The following DDAH1 variants were observed in gnomAD, a reference collection of about 807,000 sequenced individuals.
DDAH1 encodes N(G),N(G)-dimethylarginine dimethylaminohydrolase 1.
Under a neutral mutation model 28.8 loss-of-function variants are expected in DDAH1, and 19 were observed. That is an observed-to-expected ratio of 0.66 (90% confidence interval 0.46 to 0.97). The LOEUF (loss-of-function observed/expected upper bound fraction) is 0.97. Among genes scored for constraint, DDAH1 ranks in the 50% least tolerant of loss-of-function variants. The probability of loss-of-function intolerance (pLI) is 0.00; values close to 1 mark genes in which losing one functional copy is unlikely to be tolerated. For synonymous variants in DDAH1, 153 were observed against 154.4 expected (o/e 0.99, Z 0.07); for missense variants, 326 against 375.9 (o/e 0.87, Z 1.10).
chr1:85,442,140 T>A (rs1234981379), intron 1 of DDAH1, among the ~76,000 whole-genome samples: 1 of 152,110 alleles, frequency 6.6e-6, no homozygotes, highest in Non-Finnish European at 1.5e-5. Context: ...TCACTCATCA[T>A]TTACATTAGG....
chr1:85,484,931 G>T (rs922974346), intron 2 of DDAH1, among the ~76,000 whole-genome samples: 1 of 152,148 alleles, frequency 6.6e-6, no homozygotes, highest in African/African-American at 2.4e-5. Context: ...TTGGAAGTTG[G>T]CTATTTTGAA....
At chr1:85,551,470 C>A (rs1022810055) in intron 1 of DDAH1, among the ~76,000 whole-genome samples, 4 of 152,192 alleles carry the variant, frequency 2.6e-5, no homozygotes, top group African/African-American at 9.7e-5. Context: ...CAACCCCTTG[C>A]TCATTCAGAG....
intron 2 of DDAH1, among the ~76,000 whole-genome samples, chr1:85,479,165 T>TA (rs1287740570): frequency 8.0e-6 from 1 of 125,672 alleles, no homozygotes; most frequent in Non-Finnish European, 1.6e-5. Flanking sequence ...TTTTCTTTTT[T>TA]TTTTTTTTTT....
chr1:85,500,075 TCC>T (rs1272743077), intron 1 of DDAH1, among the ~76,000 whole-genome samples: 2 of 151,094 alleles, frequency 1.3e-5, no homozygotes, highest in East Asian at 3.9e-4. Context: ...TTCTTTTCTT[TCC>T]TTTCCTTCCT....
chr1:85,394,953 A>T (rs557771756), intron 1 of DDAH1, among the ~76,000 whole-genome samples: 1 of 152,198 alleles, frequency 6.6e-6, no homozygotes, highest in Non-Finnish European at 1.5e-5. Context: ...TTGGCATATG[A>T]TAGTTCAAAA....
chr1:85,378,844 A>G (rs1380230089), intron 1 of DDAH1, among the ~76,000 whole-genome samples: 2 of 152,246 alleles, frequency 1.3e-5, no homozygotes, highest in African/African-American at 4.8e-5. Context: ...CAGAGAAGAC[A>G]CTGTACATTT....
intron 1 of DDAH1, among the ~76,000 whole-genome samples, chr1:85,541,799 A>G (rs1041373134): frequency 1.3e-5 from 2 of 152,220 alleles, no homozygotes; most frequent in African/African-American, 4.8e-5. Flanking sequence ...AAGAGACCTC[A>G]GAGAGCTCCT....
At chr1:85,407,533 C>A (rs1298213422) in intron 1 of DDAH1, among the ~76,000 whole-genome samples, 2 of 152,220 alleles carry the variant, frequency 1.3e-5, no homozygotes, top group African/African-American at 2.4e-5. Context: ...GCTTTTATAA[C>A]AATCGATAGA....
At chr1:85,351,039 CAG>C (rs1408395580) in intron 3 of DDAH1, among the ~76,000 whole-genome samples, 2 of 151,026 alleles carry the variant, frequency 1.3e-5, no homozygotes, top group Non-Finnish European at 2.9e-5. Flanking sequence ...TATTTCATAA[CAG>C]AGTCAATTGG....
In DDAH1 at chr1:85,465,059, T is replaced by G. The variant is rs1655309700; in HGVS notation, c.-14A>C. 2.4e-6 allele frequency: 3 copies of G among 1,237,242 alleles called. No homozygotes were observed. The highest frequency in any genetic ancestry group is 1.6e-5 in the African/African-American group (1 of 63,824). 76.6% of individuals were successfully genotyped at this position (1,237,242 alleles called of 1,614,324 possible). A position where few individuals can be genotyped will look rare whatever the true frequency, so the allele number is the denominator to read the frequency against. ...GAGCCCGGCCATGGCTTCGGGAGGC[T>G]TAGGGGCGGCGGCGGCGGCGGAGGC... is the stretch of plus-strand genomic sequence containing the variant. On this transcript the variant is annotated 5_prime_UTR_variant, in exon 1 of 6. Coordinates refer to ENST00000284031, the MANE Select transcript of DDAH1 (RefSeq NM_012137.4).
intron 1 of DDAH1, among the ~76,000 whole-genome samples, chr1:85,363,638 C>G (rs116579849): frequency 6.6e-6 from 1 of 152,180 alleles, no homozygotes; most frequent in Admixed American, 6.5e-5. Context: ...GTTCAAGAAG[C>G]TGTCTTGGCA....
intron 1 of DDAH1, among the ~76,000 whole-genome samples, chr1:85,417,378 C>A (rs1482397132): frequency 6.6e-6 from 1 of 152,132 alleles, no homozygotes; most frequent in South Asian, 2.1e-4. Context: ...CAAGTGGGTT[C>A]GATATGCTTG....
chr1:85,342,881 T>C (rs1230853906), intron 4 of DDAH1, among the ~76,000 whole-genome samples: 1 of 152,228 alleles, frequency 6.6e-6, no homozygotes, highest in Non-Finnish European at 1.5e-5. Context: ...AGACCCAGAA[T>C]ATCAGAATTT....
At chr1:85,476,775 G>C (rs1184669919) in intron 2 of DDAH1, among the ~76,000 whole-genome samples, 1 of 151,982 alleles carries the variant, frequency 6.6e-6, no homozygotes, top group Admixed American at 6.6e-5. Flanking sequence ...CACACTCTTA[G>C]TATCAAGTTC....
intron 1 of DDAH1, among the ~76,000 whole-genome samples, chr1:85,520,904 T>A (rs1169078863): frequency 6.6e-6 from 1 of 152,228 alleles, no homozygotes; most frequent in East Asian, 1.9e-4. Context: ...ATACATTCGC[T>A]GGCTCCACAG....
chr1:85,367,566 T>C (rs1032178794), intron 1 of DDAH1, among the ~76,000 whole-genome samples: 2 of 152,230 alleles, frequency 1.3e-5, no homozygotes, highest in Non-Finnish European at 2.9e-5. Flanking sequence ...TGATTTTGCA[T>C]GGATTATGTC....
At chr1:85,476,173 G>T (rs548635806) in intron 2 of DDAH1, among the ~76,000 whole-genome samples, 1 of 152,218 alleles carries the variant, frequency 6.6e-6, no homozygotes, top group East Asian at 1.9e-4. Flanking sequence ...CAAGATAGTT[G>T]TTACACGCTT....
At chr1:85,322,403 A>G (rs1173965833) in intron 5 of DDAH1, among the ~76,000 whole-genome samples, 3 of 152,252 alleles carry the variant, frequency 2.0e-5, no homozygotes, top group Non-Finnish European at 4.4e-5. Context: ...CAAAACTTCA[A>G]TTAACAGTTC....
Position 85,400,190 on chromosome 1 carries a change from T to C in DDAH1, c.304-41343A>G, listed in dbSNP as rs868262250. Among the ~76,000 whole-genome samples the C allele has an allele frequency of 1.3e-4, 13 of 100,324 alleles. 2 individuals carry two copies. The East Asian group carries it at 1.8e-3, about 14-fold the overall frequency. 65.8% of individuals were successfully genotyped at this position (100,324 alleles called of 152,430 possible). A position where few individuals can be genotyped will look rare whatever the true frequency, so the allele number is the denominator to read the frequency against. On this transcript the variant is annotated intron_variant, in intron 1 of 5. Transcript: ENST00000284031. ...TTCTTTTCTTTTCTTTTTTTTTTTT[T>C]TTTTTTTTTTTTTTTTTTGAGACGG...
Sources: allele counts gnomAD v4.1 joint callset (sites outside exome capture counted in the v4.1 genomes callset), GRCh38; gene constraint gnomAD v4.1.1; transcripts MANE v1.5; gene names NCBI Gene and HGNC (gene_info 2026-07-23, HGNC 2026-07-21).